ACSF3: variants seen among roughly 807,000 people sequenced by gnomAD.
The protein encoded by ACSF3 is malonate--CoA ligase ACSF3, mitochondrial.
ACSF3 carries 78 observed loss-of-function variants against 53.2 expected under a neutral mutation model. The observed-to-expected ratio is 1.47, with a 90% confidence interval of 1.22 to 1.77. The LOEUF (loss-of-function observed/expected upper bound fraction) is 1.77. Among genes scored for constraint, ACSF3 ranks in the 40% most tolerant of loss-of-function variants. The probability of loss-of-function intolerance (pLI) is 0.00; values close to 1 mark genes in which losing one functional copy is unlikely to be tolerated. For missense variants in ACSF3, 937 were observed against 771.1 expected (o/e 1.22, Z -2.55); for synonymous variants, 414 against 333.1 (o/e 1.24, Z -2.65).
intron 7 of ACSF3, among the ~76,000 whole-genome samples, chr16:89,124,947 A>T (rs4782326): frequency 6.6e-6 from 1 of 152,138 alleles, no homozygotes; most frequent in African/African-American, 2.4e-5. Context: ...ACACCACATT[A>T]TCTTGACTGT....
intron 6 of ACSF3, among the ~76,000 whole-genome samples, chr16:89,118,209 G>A (rs973415703): frequency 6.6e-6 from 1 of 150,784 alleles, no homozygotes; most frequent in African/African-American, 2.4e-5. Context: ...TCTTCTCTAA[G>A]GCAGAGCATA....
At chr16:89,111,363 G>A (rs1264918725) in intron 4 of ACSF3, among the ~76,000 whole-genome samples, 5 of 152,268 alleles carry the variant, frequency 3.3e-5, no homozygotes, top group Non-Finnish European at 5.9e-5. Flanking sequence ...GCTGGGGCTG[G>A]ACTGTGGCAT....
At chr16:89,094,767 C>T (rs1015919928) in intron 1 of ACSF3, among the ~76,000 whole-genome samples, 3 of 152,152 alleles carry the variant, frequency 2.0e-5, no homozygotes, top group Admixed American at 1.3e-4. Flanking sequence ...TGGTGGCGTA[C>T]ACCTGCACTT....
intron 6 of ACSF3, among the ~76,000 whole-genome samples, chr16:89,116,182 C>T (rs1486991350): frequency 6.6e-6 from 1 of 152,230 alleles, no homozygotes; most frequent in African/African-American, 2.4e-5. Flanking sequence ...CTTTTTAGCA[C>T]TGTTCGTTGA....
chr16:89,133,163 G>C lies in ACSF3; in HGVS notation c.1267G>C (p.Gly423Arg), dbSNP rs1386852393. 2 of 1,614,058 alleles carry C rather than the reference G, an allele frequency of 1.2e-6. No individual in the cohort carries two copies. The highest frequency in any genetic ancestry group is 2.2e-5 in the East Asian group (1 of 44,888). The change falls in exon 8 of 11, where the codon GGG becomes CGG. Residue 423 changes from glycine (G) to arginine (R), a missense_variant. Gly to Arg is a moderately radical substitution (Grantham distance 125). Coordinates refer to ENST00000614302, the MANE Select transcript of ACSF3 (RefSeq NM_001243279.3). ...KVTPGFEEKE[G>R]ELLVRGPSVF... ...GACCCCAGGGTTTGAAGAAAAGGAG[G>C]GGGAGCTGCTGGTGAGGGGACCCTC... is the stretch of plus-strand genomic sequence containing the variant.
At chr16:89,119,290 G>A (rs1906027494) in intron 6 of ACSF3, among the ~76,000 whole-genome samples, 3 of 152,182 alleles carry the variant, frequency 2.0e-5, no homozygotes. Context: ...CTTGCGCTGC[G>A]TCCCCGCCCC....
chr16:89,112,028 G>T, intron 4 of ACSF3, 64 bp from the exon 5 acceptor site: 2 of 158,540 alleles, frequency 1.3e-5, no homozygotes, highest in Admixed American at 1.6e-4. Flanking sequence ...CTGGAGCCAG[G>T]AGCCTCCGCC....
intron 6 of ACSF3, among the ~76,000 whole-genome samples, chr16:89,118,035 C>T (rs1032555520): frequency 1.3e-5 from 2 of 151,386 alleles, no homozygotes; most frequent in East Asian, 2.0e-4. Context: ...GGGACGTTCC[C>T]TCTTCTCTAA....
chr16:89,120,690 C>G, intron 6 of ACSF3, 111 bp from the exon 7 acceptor site: 1 of 1,035,326 alleles, frequency 9.7e-7, no homozygotes, highest in Non-Finnish European at 1.5e-6. Flanking sequence ...TCCACACAGA[C>G]TCCCGCACGT....
At position 89,156,220 on chromosome 16, in the gene ACSF3, C is replaced by A. The variant is rs1015106307; in HGVS notation, c.*2013C>A. On this transcript the variant is annotated 3_prime_UTR_variant, in exon 11 of 11. Transcript: ENST00000614302. ...CCTCTCCTCCCTCCCCATTAAAGCC[C>A]AGTTTATTCCCCATCTTGGCCTCTG... Among the ~76,000 whole-genome samples, 5 of 151,970 alleles carry A rather than the reference C, an allele frequency of 3.3e-5. No individual in the cohort carries two copies. The highest frequency in any genetic ancestry group is 1.2e-4 in the African/African-American group (5 of 41,350).
chr16:89,144,809 G>C (rs1912578121), intron 8 of ACSF3, among the ~76,000 whole-genome samples: 2 of 152,216 alleles, frequency 1.3e-5, no homozygotes, highest in African/African-American at 4.8e-5. Flanking sequence ...TGTGCTTGTT[G>C]CTCAGAAAAG....
chr16:89,100,278 T>A (rs531857442), intron 2 of ACSF3, among the ~76,000 whole-genome samples: 1 of 152,402 alleles, frequency 6.6e-6, no homozygotes, highest in East Asian at 1.9e-4. Flanking sequence ...TGTGCTGAGC[T>A]CTTCTCTGCA....
At chr16:89,139,735 C>T (rs1037035179) in intron 8 of ACSF3, among the ~76,000 whole-genome samples, 2 of 151,816 alleles carry the variant, frequency 1.3e-5, no homozygotes, top group African/African-American at 2.4e-5. Context: ...GCTGGGATTA[C>T]AGGCGCCCAC....
At chr16:89,132,419 G>A (rs571069239) in intron 7 of ACSF3, among the ~76,000 whole-genome samples, 3 of 152,308 alleles carry the variant, frequency 2.0e-5, no homozygotes, top group East Asian at 1.9e-4. Context: ...AGGGCCTCCC[G>A]TGCCATCTGT....
At chr16:89,124,095 TATCACACACATGCCTAGTGTGCGCATGG>T (rs1468662153) in intron 7 of ACSF3, among the ~76,000 whole-genome samples, 5 of 136,840 alleles carry the variant, frequency 3.7e-5, no homozygotes, top group Admixed American at 7.2e-5. Flanking sequence ...TGCGCATGGG[TATCACACACATGCCTAGTGTGCGCATGG>T]GTATCACACA....
chr16:89,134,125 G>A (rs1368099714), intron 8 of ACSF3, among the ~76,000 whole-genome samples: 1 of 152,206 alleles, frequency 6.6e-6, no homozygotes, highest in African/African-American at 2.4e-5. Flanking sequence ...GTTACTAGGG[G>A]GTCCTTGCTC....
At chr16:89,143,891 G>C (rs1489505950) in intron 8 of ACSF3, among the ~76,000 whole-genome samples, 1 of 152,156 alleles carries the variant, frequency 6.6e-6, no homozygotes, top group African/African-American at 2.4e-5. Context: ...TGGATGGATG[G>C]GGCCTTTCTG....
chr16:89,145,425 G>A (rs767496643), intron 9 of ACSF3, 24 bp downstream of exon 9: 15 of 1,613,592 alleles, frequency 9.3e-6, no homozygotes, highest in Non-Finnish European at 1.3e-5. Context: ...CTTGGGCCAG[G>A]GAGGCCAGGC....
chr16:89,125,969 T>G (rs1476160847), intron 7 of ACSF3, among the ~76,000 whole-genome samples: 1 of 151,926 alleles, frequency 6.6e-6, no homozygotes, highest in Non-Finnish European at 1.5e-5. Context: ...TCCATTTACT[T>G]AGATCCGCAA....
Sources: allele counts gnomAD v4.1 joint callset (sites outside exome capture counted in the v4.1 genomes callset), GRCh38; gene constraint gnomAD v4.1.1; transcripts MANE v1.5; gene names NCBI Gene and HGNC (gene_info 2026-07-23, HGNC 2026-07-21).